The following U2AF2 variants were observed in gnomAD, a reference collection of about 807,000 sequenced individuals.
U2AF2 encodes splicing factor U2AF 65 kDa subunit.
A neutral mutation model predicts 52.6 loss-of-function variants in U2AF2; 6 were observed. The observed-to-expected ratio is 0.11, with a 90% confidence interval of 0.06 to 0.23. U2AF2 has a LOEUF of 0.23. Ranked by LOEUF, U2AF2 falls within the 10% of genes least tolerant of loss-of-function variation. The pLI is 1.00. For synonymous variants in U2AF2, 284 were observed against 258.2 expected (o/e 1.10, Z -0.96); for missense variants, 222 against 677.1 (o/e 0.33, Z 7.46).
intron 10 of U2AF2, 23 bp from the exon 11 acceptor site, chr19:55,669,421 C>T (rs368229865): frequency 1.7e-5 from 26 of 1,574,326 alleles, no homozygotes; most frequent in Admixed American, 7.1e-5. Flanking sequence ...CCTGTGACGC[C>T]GCTGCCTCCC....
intron 1 of U2AF2, among the ~76,000 whole-genome samples, chr19:55,658,505 G>A (rs967230774): frequency 4.6e-5 from 7 of 152,180 alleles, no homozygotes; most frequent in African/African-American, 1.4e-4. Flanking sequence ...AGTCTCTTCA[G>A]TACTTGGCTT....
At chr19:55,658,688 G>C (rs190765661) in intron 1 of U2AF2, among the ~76,000 whole-genome samples, 30 of 152,268 alleles carry the variant, frequency 2.0e-4, no homozygotes, top group Admixed American at 3.3e-4. Context: ...TTATTCACCG[G>C]CTTGGGAAGG....
At chr19:55,664,746 C>CT (rs1361917009) in intron 7 of U2AF2, among the ~76,000 whole-genome samples, 1 of 152,156 alleles carries the variant, frequency 6.6e-6, no homozygotes, top group Non-Finnish European at 1.5e-5. Context: ...TTGAGACAGT[C>CT]TCGCTCTGTC....
intron 11 of U2AF2, among the ~76,000 whole-genome samples, chr19:55,673,653 T>C (rs1431169808): frequency 6.6e-6 from 1 of 152,244 alleles, no homozygotes; most frequent in African/African-American, 2.4e-5. Context: ...TGAGCTCGTC[T>C]AGGCCTCCCG....
intron 5 of U2AF2, among the ~76,000 whole-genome samples, chr19:55,661,483 CAGAG>C (rs1054526811): frequency 2.0e-4 from 28 of 138,338 alleles, no homozygotes; most frequent in South Asian, 1.2e-3. Context: ...CGGAGAGAGA[CAGAG>C]AGGGAGACTT....
chr19:55,661,398 C>T (rs1984182437), intron 5 of U2AF2: 1 of 519,360 alleles, frequency 1.9e-6, no homozygotes, highest in African/African-American at 2.0e-5. Flanking sequence ...CTCCCGTCTC[C>T]CCTCCCCCCA....
Position 55,661,200 on chromosome 19 carries a change from C to A in U2AF2, c.486+11C>A. 1.3e-6 allele frequency: 2 copies of A among 1,579,920 alleles called. No individual in the cohort carries two copies. The highest frequency in any genetic ancestry group is 1.7e-6 in the Non-Finnish European group (2 of 1,161,072). On this transcript the variant is annotated intron_variant, in intron 5 of 11. Coordinates refer to ENST00000308924, the MANE Select transcript of U2AF2 (RefSeq NM_007279.3). ...TTTGGCATCACTGAGGTACTGCCCT[C>A]CCCTGCCCCCTACCCTCTCCCTTGT...
chr19:55,670,686 C>CCTG, intron 11 of U2AF2: 1 of 228,376 alleles, frequency 4.4e-6, no homozygotes, highest in Non-Finnish European at 8.8e-6. Flanking sequence ...GGGGCCAGGG[C>CCTG]TGAGTGGCAG....
intron 6 of U2AF2, among the ~76,000 whole-genome samples, chr19:55,663,104 A>G (rs188114904): frequency 2.7e-4 from 41 of 152,156 alleles, no homozygotes; most frequent in Non-Finnish European, 3.8e-4. Context: ...ACTCTCATGA[A>G]GTATTGTGAA....
Position 55,668,908 on chromosome 19 carries a change from T to G in U2AF2, c.945+116T>G. On this transcript the variant is annotated intron_variant, in intron 9 of 11. Coordinates refer to ENST00000308924, the MANE Select transcript of U2AF2 (RefSeq NM_007279.3). This position sits in a 1 kb window ranked among gnomAD's most constrained non-coding sequence, Gnocchi z 5.5. ...GCGGGAGGCGGCCAACCTGAGGCAG[T>G]GCCCTGTGTGTGGGCTCGTCCCTGT... is the stretch of plus-strand genomic sequence containing the variant. 1 of 1,528,676 alleles carries G rather than the reference T, an allele frequency of 6.5e-7. No individual in the cohort carries two copies. The highest frequency in any genetic ancestry group is 8.8e-7 in the Non-Finnish European group (1 of 1,134,538). 94.7% of individuals were successfully genotyped at this position (1,528,676 alleles called of 1,614,324 possible).
intron 7 of U2AF2, among the ~76,000 whole-genome samples, chr19:55,666,562 G>A (rs778247660): frequency 2.6e-5 from 4 of 152,228 alleles, no homozygotes; most frequent in Non-Finnish European, 4.4e-5. Context: ...GGGGACTGCC[G>A]TGCCTGTTCT....
At chr19:55,671,014 G>C (rs1984883224) in intron 11 of U2AF2, among the ~76,000 whole-genome samples, 1 of 152,320 alleles carries the variant, frequency 6.6e-6, no homozygotes, top group Admixed American at 6.5e-5. Context: ...GGCTGGCTCT[G>C]CAGGGCCAGA....
intron 1 of U2AF2, among the ~76,000 whole-genome samples, chr19:55,656,038 C>G (rs1400765997): frequency 6.6e-6 from 1 of 152,344 alleles, no homozygotes; most frequent in African/African-American, 2.4e-5. Flanking sequence ...CTAAACTCTT[C>G]ACTTACGGGG....
chr19:55,655,405 C>G (rs953370592), intron 1 of U2AF2, among the ~76,000 whole-genome samples: 1 of 152,176 alleles, frequency 6.6e-6, no homozygotes, highest in Non-Finnish European at 1.5e-5. Context: ...CCCACGTGGT[C>G]CTGGCGGAGG....
chr19:55,666,976 G>A (rs1459962897), intron 7 of U2AF2, among the ~76,000 whole-genome samples: 1 of 152,210 alleles, frequency 6.6e-6, no homozygotes, highest in Middle Eastern at 3.2e-3. Flanking sequence ...TAGCATTGCA[G>A]TAGGAGGTTG....
intron 1 of U2AF2, among the ~76,000 whole-genome samples, chr19:55,655,812 C>T (rs1983756945): frequency 6.6e-6 from 1 of 152,240 alleles, no homozygotes; most frequent in African/African-American, 2.4e-5. Context: ...CACATGTTGC[C>T]TAAAAGCATC....
intron 1 of U2AF2, among the ~76,000 whole-genome samples, chr19:55,657,997 C>T (rs576046949): frequency 6.6e-6 from 1 of 152,196 alleles, no homozygotes; most frequent in Non-Finnish European, 1.5e-5. Context: ...TGTTTTTTTC[C>T]CTGCTGGGTG....
rs1984415086 is a variant in U2AF2, at chr19:55,664,434, A to G, written c.742+690A>G. 2.0e-5 allele frequency among the ~76,000 whole-genome samples: 3 copies of G among 152,234 alleles called. No individual in the cohort carries two copies. In the South Asian group the frequency reaches 6.2e-4, roughly 31 times the overall value. On this transcript the variant is annotated intron_variant, in intron 7 of 11. Coordinates refer to ENST00000308924, the MANE Select transcript of U2AF2 (RefSeq NM_007279.3). Reference sequence around the variant, plus strand: ...GAAAGCTTGCAGGATGTGCAAAACCAGGTGATGGGCCCTGTCAGCCCACAG... The same window carrying G: ...GAAAGCTTGCAGGATGTGCAAAACCGGGTGATGGGCCCTGTCAGCCCACAG...
rs1482166581 is a variant in U2AF2, at chr19:55,674,163, G to T, written c.*95G>T. 1.8e-6 allele frequency: 2 copies of T among 1,119,952 alleles called. No homozygotes were observed. Among genetic ancestry groups the T allele is most frequent in the African/African-American group, 1.7e-5 (1 of 59,972 alleles). The allele number at this position is 1,119,952 out of a possible 1,614,324, so 69.4% of individuals were successfully genotyped here. A position where few individuals can be genotyped will look rare whatever the true frequency, so the allele number is the denominator to read the frequency against. ...CCCTCTGAAGACGATGGGCAGAGGA[G>T]TGACAGCCGCAGACACACGACAGCC... On this transcript the variant is annotated 3_prime_UTR_variant, in exon 12 of 12. Coordinates refer to ENST00000308924, the MANE Select transcript of U2AF2 (RefSeq NM_007279.3).
Sources: gnomAD v4.1 joint callset for allele counts (sites outside exome capture counted in the v4.1 genomes callset) on GRCh38, gnomAD v4.1.1 for gene constraint, Gnocchi (gnomAD v3.1) non-coding constraint, MANE v1.5 for transcripts, NCBI Gene and HGNC (gene_info 2026-07-23, HGNC 2026-07-21) for gene names.